The following BRWD3 variants were observed in gnomAD, a reference collection of about 807,000 sequenced individuals.
The protein encoded by BRWD3 is bromodomain and WD repeat-containing protein 3.
BRWD3 carries 10 observed loss-of-function variants against 149.7 expected under a neutral mutation model. The ratio of observed to expected loss-of-function variants is 0.07; its 90% CI spans 0.04 to 0.11. The LOEUF is 0.11. Ranked by LOEUF, BRWD3 falls within the 10% of genes least tolerant of loss-of-function variation. BRWD3 has a pLI of 1.00. For missense variants in BRWD3, 940 were observed against 1,373.2 expected, an observed-to-expected ratio of 0.68 and a Z score of 4.99; for synonymous variants, 504 against 456.7, an observed-to-expected ratio of 1.10 and a Z score of -1.32.
intron 22 of BRWD3, among the ~76,000 whole-genome samples, chrX:80,705,598 T>A (rs1414348278): frequency 9.0e-6 from 1 of 111,710 alleles, no homozygotes; most frequent in Non-Finnish European, 1.9e-5. Context: ...CAGAGTATAC[T>A]TACACAAACC....
intron 4 of BRWD3, among the ~76,000 whole-genome samples, chrX:80,797,317 T>C (rs1045809681): frequency 9.0e-6 from 1 of 111,617 alleles, no homozygotes; most frequent in African/African-American, 3.3e-5. Context: ...GAGTAGTAGT[T>C]GACATTTTTA....
chrX:80,677,309 C>A lies in BRWD3; in HGVS notation c.4709G>T (p.Gly1570Val). ...TGCACTAAGTAGTTTTCTCTTGATT[C>A]CTGTCCGGGGCTCTCTGCCATCACC... Reference protein sequence around the residue: ...TNGDGREPRTGIKRKLLSASE... With the variant: ...TNGDGREPRTVIKRKLLSASE... Residue 1570 changes from glycine to valine, a missense_variant, in exon 41 of 41, where the codon GGA (glycine) becomes GTA (valine). Around this residue, in one of 6 missense-constraint regions of BRWD3, gnomAD observed 349 missense variants for 419.6 expected, o/e 0.83. Coordinates refer to ENST00000373275, the MANE Select transcript of BRWD3 (RefSeq NM_153252.5). 3.3e-6 allele frequency: 4 copies of A among 1,208,376 alleles called. No individual in the cohort carries two copies. The highest frequency in any genetic ancestry group is 4.5e-6 in the Non-Finnish European group (4 of 894,281).
At chrX:80,746,432 A>T (rs1439120360) in intron 6 of BRWD3, among the ~76,000 whole-genome samples, 1 of 107,813 alleles carries the variant, frequency 9.3e-6, no homozygotes, top group Non-Finnish European at 1.9e-5. Context: ...GCATTTTCTT[A>T]AAAAAAAAGC....
intron 20 of BRWD3, among the ~76,000 whole-genome samples, chrX:80,713,882 C>T (rs2073034752): frequency 1.8e-5 from 2 of 111,597 alleles, no homozygotes; most frequent in East Asian, 5.6e-4. Flanking sequence ...CCTTACAAAC[C>T]ATAGAGTCCC....
chrX:80,744,272 A>G lies in BRWD3; in HGVS notation c.592-19T>C, dbSNP rs1383126959. 9.0e-6 allele frequency: 10 copies of G among 1,111,460 alleles called. No homozygotes were observed. The South Asian group carries it at 1.3e-4, about 14-fold the overall frequency. 91.6% of individuals were successfully genotyped at this position (1,111,460 alleles called of 1,213,427 possible). On this transcript the variant is annotated intron_variant, in intron 7 of 40. Transcript: ENST00000373275. ...CTGAACCCTATAGTAACAAAAGGAC[A>G]ATAGGTTTATAATGAAGCAGAAATT... is the stretch of plus-strand genomic sequence containing the variant.
In BRWD3 at chrX:80,673,332, G is replaced by A. The variant is rs1393724069; in HGVS notation, c.*3277C>T. On this transcript the variant is annotated 3_prime_UTR_variant, in exon 41 of 41. Transcript: ENST00000373275. ...AAATAAAAAGAATAGAGGGACACAG[G>A]TATATGACAAAACCTGGACTGGTTA... 9.0e-6 allele frequency: 1 copy of A among 110,917 alleles called. No homozygotes were observed. Among genetic ancestry groups the A allele is most frequent in the Non-Finnish European group, 1.9e-5 (1 of 52,901 alleles). 9.1% of individuals were successfully genotyped at this position (110,917 alleles called of 1,213,427 possible). A position where few individuals can be genotyped will look rare whatever the true frequency, so the allele number is the denominator to read the frequency against.
intron 20 of BRWD3, chrX:80,710,333 A>G (rs2072942933): frequency 2.7e-5 from 9 of 334,110 alleles, no homozygotes; most frequent in Non-Finnish European, 3.9e-5. Context: ...TTATAATGAT[A>G]TGGGCCTCAC....
chrX:80,781,290 G>A (rs925135206), intron 6 of BRWD3, among the ~76,000 whole-genome samples: 5 of 111,270 alleles, frequency 4.5e-5, no homozygotes, highest in Non-Finnish European at 9.4e-5. Flanking sequence ...GTCCCTCCCC[G>A]TGTGCTCTCA....
Position 80,735,344 on chromosome X carries a change from A to T in BRWD3, c.915-147T>A, listed in dbSNP as rs777717570. The T allele has an allele frequency of 9.1e-5, 44 of 482,260 alleles. 1 individual carries two copies. The Middle Eastern group carries it at 0.013, about 138-fold the overall frequency. 39.7% of individuals were successfully genotyped at this position (482,260 alleles called of 1,213,427 possible). ...TGGTCAATAAGTACTATTCTCATCA[A>T]TTAGGTTAAAAATGCATTTAACCTT... On this transcript the variant is annotated intron_variant, in intron 9 of 40. Transcript: ENST00000373275.
chrX:80,723,668 T>C (rs2073182372), intron 16 of BRWD3, 80 bp downstream of exon 16: 2 of 1,042,636 alleles, frequency 1.9e-6, no homozygotes, highest in South Asian at 3.8e-5. Context: ...ACAGCCCTTA[T>C]TAACTGGAGG....
chrX:80,696,063 A>G, intron 26 of BRWD3, 73 bp from the exon 27 acceptor site: 1 of 945,619 alleles, frequency 1.1e-6, no homozygotes, highest in South Asian at 2.1e-5. Context: ...GTCCAAGGAT[A>G]TATGTTTATT....
intron 6 of BRWD3, among the ~76,000 whole-genome samples, chrX:80,785,081 C>T (rs2074095152): frequency 8.9e-6 from 1 of 112,067 alleles, no homozygotes; most frequent in African/African-American, 3.2e-5. Flanking sequence ...GTAACTATGG[C>T]AAAGTTTCTA....
At chrX:80,692,893 AC>A in intron 28 of BRWD3, 46 bp downstream of exon 28, 3 of 1,019,048 alleles carry the variant, frequency 2.9e-6, no homozygotes, top group Non-Finnish European at 4.2e-6. Context: ...AAGTCCACAT[AC>A]TACTACAATG....
In BRWD3 at chrX:80,729,987, C is replaced by T. The variant is rs758868273; in HGVS notation, c.1161G>A (p.Thr387=). Residue 387 remains threonine (T), a synonymous_variant, in exon 13 of 41, where the codon ACG becomes ACA. Coordinates refer to ENST00000373275, the MANE Select transcript of BRWD3 (RefSeq NM_153252.5). ...LRFVSGSRDG[T]ARIWQYQQQE... ...GTTGCTGATACTGCCAAATTCTTGC[C>T]GTTCCATCTCGACTTCCACTAACAA... 20 of 1,201,458 alleles carry T rather than the reference C, an allele frequency of 1.7e-5. No individual in the cohort carries two copies. The highest frequency in any genetic ancestry group is 2.3e-5 in the Non-Finnish European group (20 of 886,664).
chrX:80,682,834 G>A (rs1349437702), intron 37 of BRWD3, among the ~76,000 whole-genome samples: 1 of 110,779 alleles, frequency 9.0e-6, no homozygotes, highest in East Asian at 2.8e-4. Context: ...AAAAGGTAGG[G>A]AAAAAAAGAC....
At chrX:80,728,035 C>G (rs756646280) in intron 14 of BRWD3, among the ~76,000 whole-genome samples, 21 of 111,866 alleles carry the variant, frequency 1.9e-4, no homozygotes, top group Non-Finnish European at 2.5e-4. Context: ...TACATAAACA[C>G]CATGATATAG....
intron 38 of BRWD3, 99 bp from the exon 39 acceptor site, chrX:80,682,193 T>C (rs1199041379): frequency 3.8e-5 from 27 of 707,636 alleles, no homozygotes; most frequent in Non-Finnish European, 5.9e-5. Flanking sequence ...GGTCAGGTAT[T>C]AGCTGGCCAA....
At position 80,670,583 on chromosome X, in the gene BRWD3, TA is replaced by T. The variant is rs201004001; in HGVS notation, c.*6025del. On this transcript the variant is annotated 3_prime_UTR_variant, in exon 41 of 41. Coordinates refer to ENST00000373275, the MANE Select transcript of BRWD3 (RefSeq NM_153252.5). ...GCACACACAACCATGCCCAGCTAAT[TA>T]AAAAAAAAATTGTTTTGTAGATACG... is the stretch of plus-strand genomic sequence containing the variant. Among the ~76,000 whole-genome samples, 4 of 107,239 alleles carry T rather than the reference TA, an allele frequency of 3.7e-5. No individual in the cohort carries two copies. The East Asian group carries it at 8.9e-4, about 24-fold the overall frequency. The allele number at this position is 107,239 out of a possible 115,157, so 93.1% of individuals were successfully genotyped here.
At chrX:80,726,504 G>A (rs2073251061) in intron 14 of BRWD3, among the ~76,000 whole-genome samples, 1 of 110,529 alleles carries the variant, frequency 9.0e-6, no homozygotes, top group Admixed American at 9.7e-5. Context: ...GAGAGTATAT[G>A]ATTAAGAACA....
Sources: allele counts gnomAD v4.1 joint callset (sites outside exome capture counted in the v4.1 genomes callset), GRCh38; gene constraint gnomAD v4.1.1; regional missense constraint gnomAD v4.1.1; transcripts MANE v1.5; gene names NCBI Gene and HGNC (gene_info 2026-07-23, HGNC 2026-07-21).